The following MAGI2 variants were observed in gnomAD, a reference collection of about 807,000 sequenced individuals.
The protein encoded by MAGI2 is membrane-associated guanylate kinase, WW and PDZ domain-containing protein 2.
In MAGI2, 35 loss-of-function variants were observed where a neutral mutation model predicts 133.3. That is an observed-to-expected ratio of 0.26 (90% confidence interval 0.20 to 0.35). The LOEUF (loss-of-function observed/expected upper bound fraction) is 0.35. MAGI2 is among the 10% of genes least tolerant of loss of function. The pLI, the probability that MAGI2 is intolerant of heterozygous loss-of-function variation, is 1.00. For missense variants in MAGI2, 1,636 were observed against 1,863.4 expected, an observed-to-expected ratio of 0.88 and a Z score of 2.25; for synonymous variants, 729 against 710.6, an observed-to-expected ratio of 1.03 and a Z score of -0.41.
chr7:78,029,699 A>G (rs75725982), intron 21 of MAGI2, among the ~76,000 whole-genome samples: 2,422 of 144,606 alleles, frequency 0.017, 74 homozygotes, highest in African/African-American at 0.06. Context: ...TTGCGTGTTG[A>G]AAACCACTGC....
chr7:79,132,000 C>T (rs1374578466), intron 1 of MAGI2, among the ~76,000 whole-genome samples: 1 of 152,022 alleles, frequency 6.6e-6, no homozygotes, highest in African/African-American at 2.4e-5. Context: ...TTTTATAAAA[C>T]ATTTTATGAC....
intron 3 of MAGI2, among the ~76,000 whole-genome samples, chr7:78,531,065 C>G (rs1797425990): frequency 6.6e-6 from 1 of 152,012 alleles, no homozygotes; most frequent in Admixed American, 6.5e-5. Flanking sequence ...CCTCAGGGAA[C>G]TCAAGCAAAA....
chr7:78,234,408 A>G (rs1237970681), intron 10 of MAGI2, among the ~76,000 whole-genome samples: 1 of 152,190 alleles, frequency 6.6e-6, no homozygotes. Context: ...ACCACACAAT[A>G]TGAAATAACG....
chr7:79,080,935 G>A (rs774032454), intron 1 of MAGI2, among the ~76,000 whole-genome samples: 2 of 152,020 alleles, frequency 1.3e-5, no homozygotes, highest in Non-Finnish European at 2.9e-5. Context: ...CACAGCAGCC[G>A]AAGAAACTTT....
chr7:78,787,450 A>C (rs1003914679), intron 2 of MAGI2, among the ~76,000 whole-genome samples: 5 of 152,180 alleles, frequency 3.3e-5, no homozygotes, highest in Non-Finnish European at 7.3e-5. Flanking sequence ...AGAGCAGTTA[A>C]AGTCACAAAG....
chr7:79,190,287 T>C (rs779981730), intron 1 of MAGI2, among the ~76,000 whole-genome samples: 3 of 151,854 alleles, frequency 2.0e-5, no homozygotes, highest in Non-Finnish European at 4.4e-5. Context: ...TCACCAGCAA[T>C]TGGTGTTGTG....
chr7:78,233,405 T>C (rs1309312420), intron 10 of MAGI2, among the ~76,000 whole-genome samples: 3 of 151,932 alleles, frequency 2.0e-5, no homozygotes, highest in African/African-American at 4.8e-5. Context: ...AAATAGAAAG[T>C]CAACAGAGAG....
chr7:78,758,466 G>T (rs1824177493), intron 2 of MAGI2, among the ~76,000 whole-genome samples: 1 of 152,040 alleles, frequency 6.6e-6, no homozygotes, highest in South Asian at 2.1e-4. Context: ...CATTTTTCAG[G>T]ACTTCTCTTT....
chr7:78,472,052 T>TA (rs1292920604), intron 6 of MAGI2, among the ~76,000 whole-genome samples: 2 of 152,120 alleles, frequency 1.3e-5, no homozygotes, highest in African/African-American at 4.8e-5. Context: ...CCTATGTTCT[T>TA]ACGGACTATC....
chr7:79,293,570 C>CT (rs148364113), intron 1 of MAGI2, among the ~76,000 whole-genome samples: 3,854 of 152,266 alleles, frequency 0.025, 174 homozygotes, highest in African/African-American at 0.087. Context: ...TGTCTGGCAC[C>CT]TATGTGTTAG....
In MAGI2 at chr7:78,739,933, C is replaced by A. The variant is rs57787312; in HGVS notation, c.419-112694G>T. Among the ~76,000 whole-genome samples the A allele has an allele frequency of 7.2e-3, 1,091 of 152,038 alleles. 7 individuals are homozygous for A. Among genetic ancestry groups the A allele is most frequent in the African/African-American group, 0.025 (1,029 of 41,488 alleles). On this transcript the variant is annotated intron_variant, in intron 2 of 21. Coordinates refer to ENST00000354212, the MANE Select transcript of MAGI2 (RefSeq NM_012301.4). The stretch of plus-strand genomic sequence containing the variant: ...CAGCACTTTGGGAGGCCGAGGCGGG[C>A]GGATCACGACGTCAGGAGATCAAGA...
chr7:79,202,458 T>A (rs1828696142), intron 1 of MAGI2, among the ~76,000 whole-genome samples: 1 of 151,968 alleles, frequency 6.6e-6, no homozygotes. Context: ...TTTATAGTTT[T>A]AGCATAAGGT....
Position 79,278,847 on chromosome 7 carries a change from A to G in MAGI2, c.301+174173T>C, listed in dbSNP as rs561567419. 4.6e-5 allele frequency among the ~76,000 whole-genome samples: 7 copies of G among 152,072 alleles called. No individual in the cohort carries two copies. In the South Asian group the frequency reaches 8.3e-4, roughly 18 times the overall value. ...GGAATAATATCTAATTTCTTTGAACATTTTTTTTCCTCATCTGTAAAATAA... is the reference window on the plus strand; with the variant it reads ...GGAATAATATCTAATTTCTTTGAACGTTTTTTTTCCTCATCTGTAAAATAA... On this transcript the variant is annotated intron_variant, in intron 1 of 21. Transcript: ENST00000354212.
intron 1 of MAGI2, among the ~76,000 whole-genome samples, chr7:79,247,857 A>G (rs1443948151): frequency 2.0e-5 from 3 of 152,170 alleles, no homozygotes; most frequent in South Asian, 2.1e-4. Context: ...ATCAAAAAAC[A>G]TACAACAGAT....
intron 20 of MAGI2, among the ~76,000 whole-genome samples, chr7:78,105,764 C>T (rs1031404923): frequency 2.0e-5 from 3 of 151,850 alleles, no homozygotes; most frequent in Non-Finnish European, 2.9e-5. Context: ...TTATGGGATA[C>T]ATGTGATGTT....
At position 78,465,908 on chromosome 7, in the gene MAGI2, C is replaced by T. The variant is rs891815936; in HGVS notation, c.1045+23853G>A. The stretch of plus-strand genomic sequence containing the variant: ...TTTAACTTAGTCTATGCACTTCGGC[C>T]GTAAAGCAAGACAGGAAAATACAGT... On this transcript the variant is annotated intron_variant, in intron 6 of 21. Transcript: ENST00000354212. Among the ~76,000 whole-genome samples the T allele has an allele frequency of 3.3e-5, 5 of 152,162 alleles. No individual in the cohort carries two copies. In the South Asian group the frequency reaches 8.3e-4, roughly 25 times the overall value.
At chr7:78,402,809 C>T (rs1269836827) in intron 6 of MAGI2, among the ~76,000 whole-genome samples, 1 of 152,032 alleles carries the variant, frequency 6.6e-6, no homozygotes, top group Admixed American at 6.6e-5. Flanking sequence ...ATTTATTCTC[C>T]ATATACTTGG....
At chr7:78,869,814 A>C (rs1456296989) in intron 2 of MAGI2, among the ~76,000 whole-genome samples, 1 of 152,146 alleles carries the variant, frequency 6.6e-6, no homozygotes, top group Non-Finnish European at 1.5e-5. Context: ...ATTCAAGATG[A>C]GATTTGGGTG....
At position 78,286,913 on chromosome 7, in the gene MAGI2, A is replaced by C. The variant is rs989374129; in HGVS notation, c.1409-30332T>G. Reference sequence around the variant, plus strand: ...CTTGTGGATTTATACCCAAATAGACAAGTTTCATGAAAGGACAGCTGAGAG... The same window carrying C: ...CTTGTGGATTTATACCCAAATAGACCAGTTTCATGAAAGGACAGCTGAGAG... On this transcript the variant is annotated intron_variant, in intron 9 of 21. Transcript: ENST00000354212. Among the ~76,000 whole-genome samples the C allele has an allele frequency of 3.3e-5, 5 of 152,272 alleles. No homozygotes were observed. In the East Asian group the frequency reaches 9.6e-4, roughly 29 times the overall value.
Sources: gnomAD v4.1 joint callset for allele counts (sites outside exome capture counted in the v4.1 genomes callset) on GRCh38, gnomAD v4.1.1 for gene constraint, MANE v1.5 for transcripts, NCBI Gene and HGNC (gene_info 2026-07-23, HGNC 2026-07-21) for gene names.